The following STMN4 variants were observed in gnomAD, a reference collection of about 807,000 sequenced individuals.
STMN4 encodes stathmin-4.
Under a neutral mutation model 29.1 loss-of-function variants are expected in STMN4, and 12 were observed. The ratio of observed to expected loss-of-function variants is 0.41; its 90% confidence interval spans 0.26 to 0.67. The LOEUF is 0.67. STMN4 is among the 30% of genes least tolerant of loss of function. STMN4 has a pLI of 0.30. For synonymous variants in STMN4, 114 were observed against 105.3 expected, an observed-to-expected ratio of 1.08 and a Z score of -0.51; for missense variants, 181 against 262.8, an observed-to-expected ratio of 0.69 and a Z score of 2.15.
chr8:27,256,427 T>A (rs1039878756), intron 1 of STMN4, among the ~76,000 whole-genome samples: 4 of 152,168 alleles, frequency 2.6e-5, no homozygotes, highest in African/African-American at 9.7e-5. Flanking sequence ...AGGCTTGTAG[T>A]CTTAGGGTTA....
chr8:27,244,120 A>T (rs1801557142), intron 1 of STMN4, among the ~76,000 whole-genome samples: 1 of 152,208 alleles, frequency 6.6e-6, no homozygotes, highest in Non-Finnish European at 1.5e-5. Context: ...CCATAGCTCA[A>T]GAACCTGGCC....
intron 1 of STMN4, among the ~76,000 whole-genome samples, chr8:27,247,210 G>A (rs10481349): frequency 0.32 from 47,570 of 146,842 alleles, 8,239 homozygotes; most frequent in Non-Finnish European, 0.4. Flanking sequence ...AGCCGAGATC[G>A]CGCCACTGAA....
chr8:27,243,647 G>T, intron 2 of STMN4, 64 bp downstream of exon 2: 2 of 1,535,426 alleles, frequency 1.3e-6, no homozygotes, highest in Non-Finnish European at 1.8e-6. Context: ...GCTTCTGTGA[G>T]TCCATGTTGG....
intron 1 of STMN4, among the ~76,000 whole-genome samples, chr8:27,251,796 ATC>A (rs1174222910): frequency 1.3e-5 from 1 of 76,418 alleles, no homozygotes; most frequent in Admixed American, 2.0e-4. Flanking sequence ...CTTTTTTGCC[ATC>A]TTTTTTTTTC....
intron 1 of STMN4, among the ~76,000 whole-genome samples, chr8:27,252,654 C>T (rs1034490804): frequency 6.6e-6 from 1 of 152,124 alleles, no homozygotes; most frequent in Non-Finnish European, 1.5e-5. Context: ...AATAGATCAT[C>T]AATTTAGGTA....
chr8:27,254,029 C>T (rs12542220), intron 1 of STMN4, among the ~76,000 whole-genome samples: 18,625 of 152,166 alleles, frequency 0.12, 1,874 homozygotes, highest in East Asian at 0.42. Flanking sequence ...ACGATTTGCC[C>T]ACCTCAGCCT....
At chr8:27,239,223 C>T (rs568285222) in intron 6 of STMN4, 1 of 1,535,378 alleles carries the variant, frequency 6.5e-7, no homozygotes, top group Non-Finnish European at 8.7e-7. Context: ...CCACGCTGCT[C>T]ACCATGGGAC....
At chr8:27,239,950 C>T in intron 6 of STMN4, 21 bp downstream of exon 6, 7 of 1,614,240 alleles carry the variant, frequency 4.3e-6, no homozygotes, top group Non-Finnish European at 5.9e-6. Flanking sequence ...GGAAACTCCT[C>T]TCTAGCCAGG....
chr8:27,242,340 G>A, intron 3 of STMN4, 57 bp downstream of exon 3: 5 of 1,553,484 alleles, frequency 3.2e-6, no homozygotes, highest in Non-Finnish European at 8.9e-7. Context: ...CAGGACCTAT[G>A]AGGACAGGAC....
At chr8:27,254,570 C>T (rs916096229) in intron 1 of STMN4, among the ~76,000 whole-genome samples, 2 of 150,838 alleles carry the variant, frequency 1.3e-5, no homozygotes, top group South Asian at 2.1e-4. Flanking sequence ...CTTTGGGCTT[C>T]GGTGGGGAGG....
intron 1 of STMN4, among the ~76,000 whole-genome samples, chr8:27,247,862 G>T (rs1386969113): frequency 1.3e-5 from 2 of 152,220 alleles, no homozygotes; most frequent in Admixed American, 6.5e-5. Context: ...GCAAAACCCA[G>T]TGCAGAAGCA....
At chr8:27,251,207 C>G (rs1801771687) in intron 1 of STMN4, among the ~76,000 whole-genome samples, 1 of 151,924 alleles carries the variant, frequency 6.6e-6, no homozygotes, top group Non-Finnish European at 1.5e-5. Flanking sequence ...GAGCTGAGAT[C>G]ATGCCACTGC....
chr8:27,241,677 C>T lies in STMN4; in HGVS notation c.190G>A (p.Ala64Thr), dbSNP rs767511631. Residue 64 changes from alanine (A) to threonine (T), a missense_variant and splice_region_variant, in exon 4 of 7, where the codon GCA becomes ACA. Ala to Thr is a moderately conservative substitution (Grantham distance 58, BLOSUM62 0). Transcript: ENST00000350889. ...AATCCCTCCGCTGCCTCCCTCCTAC[C>T]CTGAGCTCTTCTTTCTCTCCAGTCA... ...SADWRERRAQ[A>T]DTVDLNWCVI... 6 of 1,614,074 alleles carry T rather than the reference C, an allele frequency of 3.7e-6. No individual in the cohort carries two copies. Among genetic ancestry groups the T allele is most frequent in the Non-Finnish European group, 3.4e-6 (4 of 1,180,030 alleles).
Position 27,253,805 on chromosome 8 carries a change from C to A in STMN4, c.-79+4546G>T, listed in dbSNP as rs534154968. On this transcript the variant is annotated intron_variant, in intron 1 of 6. Transcript: ENST00000350889. ...AAAGGAATTGTTTTTTTTTTTAAGA[C>A]GGAGTCTTGCTCTGTCACCCAGGGT... is the stretch of plus-strand genomic sequence containing the variant. Among the ~76,000 whole-genome samples, 15 of 148,474 alleles carry A rather than the reference C, an allele frequency of 1.0e-4. 1 individual carries two copies. Among genetic ancestry groups the A allele is most frequent in the Admixed American group, 5.4e-4 (8 of 14,772 alleles).
At chr8:27,258,169 C>T (rs1258871322) in intron 1 of STMN4, among the ~76,000 whole-genome samples, 182 bp downstream of exon 1, 4 of 152,184 alleles carry the variant, frequency 2.6e-5, no homozygotes, top group Non-Finnish European at 5.9e-5. Flanking sequence ...ACCCCTTGGC[C>T]GAGCGCCATT....
At position 27,236,773 on chromosome 8, in the gene STMN4, G is replaced by A. The variant is rs921466327; in HGVS notation, c.*73C>T. On this transcript the variant is annotated 3_prime_UTR_variant, in exon 7 of 7. Coordinates refer to ENST00000350889, the MANE Select transcript of STMN4 (RefSeq NM_030795.4). ...CCCCAGTGCTGGGAGCGCAGCCGGC[G>A]GGCGAGGCTGCCTGGAACGTGGAGC... is the stretch of plus-strand genomic sequence containing the variant. The A allele has an allele frequency of 9.5e-6, 13 of 1,373,560 alleles. No homozygotes were observed. Among genetic ancestry groups the A allele is most frequent in the Admixed American group, 2.8e-5 (1 of 35,856 alleles). 85.1% of individuals were successfully genotyped at this position (1,373,560 alleles called of 1,614,324 possible).
In STMN4 at chr8:27,241,126, G is replaced by A. The variant is rs1156639198; in HGVS notation, c.327C>T (p.Ser109=). The stretch of plus-strand genomic sequence containing the variant: ...GGGATGGGTCTCGCCGCCTTGGCAG[G>A]GAGGCGTTGAACTCGGGAACCCCAT... ...SFDGVPEFNA[S]LPRRRDPSLE... Residue 109 remains serine (S), a synonymous_variant, in exon 5 of 7, where the codon TCC becomes TCT. Transcript: ENST00000350889. The A allele has an allele frequency of 6.2e-7, 1 of 1,614,222 alleles. No homozygotes were observed. The highest frequency in any genetic ancestry group is 8.5e-7 in the Non-Finnish European group (1 of 1,180,038).
At chr8:27,241,472 A>G (rs1282145592) in intron 4 of STMN4, among the ~76,000 whole-genome samples, 1 of 152,160 alleles carries the variant, frequency 6.6e-6, no homozygotes, top group Non-Finnish European at 1.5e-5. Context: ...TTCAGCCTGC[A>G]AGAATAGGGG....
intron 1 of STMN4, among the ~76,000 whole-genome samples, chr8:27,255,076 A>T (rs537944148): frequency 3.9e-5 from 6 of 152,210 alleles, no homozygotes; most frequent in Admixed American, 1.3e-4. Flanking sequence ...AAAAAAAACA[A>T]TTTTTAAATG....
Sources: allele counts gnomAD v4.1 joint callset (sites outside exome capture counted in the v4.1 genomes callset), GRCh38; gene constraint gnomAD v4.1.1; transcripts MANE v1.5; gene names NCBI Gene and HGNC (gene_info 2026-07-23, HGNC 2026-07-21).